Variants in ENOX1 observed in about 807,000 individuals in gnomAD.
ENOX1 encodes the protein ecto-NOX disulfide-thiol exchanger 1, also known as candidate growth-related and time keeping constitutive hydroquinone (NADH) oxidase.
ENOX1 carries 42 observed loss-of-function variants against 82.5 expected under a neutral mutation model. The ratio of observed to expected loss-of-function variants is 0.51; its 90% confidence interval spans 0.40 to 0.66. The LOEUF is 0.66. Ranked by LOEUF, ENOX1 falls within the 30% of genes least tolerant of loss-of-function variation. The pLI is 0.00. For missense variants in ENOX1, 608 were observed against 811.6 expected (o/e 0.75, Z 3.05); for synonymous variants, 271 against 282.2 (o/e 0.96, Z 0.40).
Position 43,681,999 on chromosome 13 carries a change from G to A in ENOX1, c.-284-14455C>T, listed in dbSNP as rs299355. On this transcript the variant is annotated intron_variant, in intron 1 of 16. Coordinates refer to ENST00000690772, the MANE Select transcript of ENOX1 (RefSeq NM_001347969.2). ...AGATCAGGTATACGGCCTCCTAAAC[G>A]TTCACTGCTCCTTACTCCCAGCCTT... 6.4e-3 allele frequency among the ~76,000 whole-genome samples: 968 copies of A among 152,046 alleles called. 9 individuals carry two copies. Among genetic ancestry groups the A allele is most frequent in the African/African-American group, 0.022 (920 of 41,478 alleles).
At chr13:43,586,616 T>C (rs7338632) in intron 2 of ENOX1, among the ~76,000 whole-genome samples, 5,270 of 152,294 alleles carry the variant, frequency 0.035, 265 homozygotes, top group African/African-American at 0.11. Context: ...TCCTTTCTCA[T>C]AACCGCTAGC....
At chr13:43,368,656 A>G (rs762282851) in intron 5 of ENOX1, among the ~76,000 whole-genome samples, 3 of 151,824 alleles carry the variant, frequency 2.0e-5, no homozygotes, top group Admixed American at 6.6e-5. Context: ...GCTGAAACAC[A>G]CTCTTAAGAC....
At chr13:43,758,510 G>A (rs1365649109) in intron 1 of ENOX1, among the ~76,000 whole-genome samples, 1 of 152,176 alleles carries the variant, frequency 6.6e-6, no homozygotes, top group Non-Finnish European at 1.5e-5. Flanking sequence ...TGCATAGAAG[G>A]CCAGCATGAG....
chr13:43,277,051 T>A lies in ENOX1; in HGVS notation c.1447-7474A>T, dbSNP rs1042678894. Among the ~76,000 whole-genome samples the A allele has an allele frequency of 6.6e-5, 10 of 152,126 alleles. No homozygotes were observed. The East Asian group carries it at 9.6e-4, about 15-fold the overall frequency. ...CATGGTGACCCCTGGGGGAGAAACA[T>A]CTCTTGGAGAGAACTCCACCATTCA... is the stretch of plus-strand genomic sequence containing the variant. On this transcript the variant is annotated intron_variant, in intron 12 of 16. Transcript: ENST00000690772.
chr13:43,704,406 AAAC>A (rs2087113815), intron 1 of ENOX1, among the ~76,000 whole-genome samples: 1 of 152,136 alleles, frequency 6.6e-6, no homozygotes, highest in Non-Finnish European at 1.5e-5. Flanking sequence ...CAAAACATAA[AAAC>A]AACTTTTTGA....
intron 1 of ENOX1, among the ~76,000 whole-genome samples, chr13:43,672,351 C>T (rs963586881): frequency 1.3e-5 from 2 of 152,184 alleles, no homozygotes; most frequent in African/African-American, 4.8e-5. Flanking sequence ...ATCTCTCCTA[C>T]TTTATTACCG....
intron 11 of ENOX1, among the ~76,000 whole-genome samples, chr13:43,303,220 G>A (rs898506804): frequency 3.9e-5 from 6 of 152,318 alleles, no homozygotes; most frequent in African/African-American, 1.4e-4. Context: ...AGGCTGGCCT[G>A]GCAAATGTCA....
intron 12 of ENOX1, among the ~76,000 whole-genome samples, chr13:43,274,038 A>G (rs765948752): frequency 1.2e-4 from 18 of 152,210 alleles, no homozygotes; most frequent in African/African-American, 4.1e-4. Context: ...AACAACAAAA[A>G]CAAAAACAAC....
intron 2 of ENOX1, among the ~76,000 whole-genome samples, chr13:43,491,239 A>G (rs1478758575): frequency 6.6e-6 from 1 of 152,186 alleles, no homozygotes; most frequent in African/African-American, 2.4e-5. Context: ...GAACTCACCT[A>G]TCACAAAGGA....
intron 8 of ENOX1, among the ~76,000 whole-genome samples, chr13:43,352,548 T>G (rs2049876591): frequency 1.3e-5 from 2 of 152,362 alleles, no homozygotes; most frequent in South Asian, 4.1e-4. Flanking sequence ...ATGGTGTTAT[T>G]GAGCTCCTTC....
At chr13:43,566,972 AGAAT>A (rs1395811346) in intron 2 of ENOX1, among the ~76,000 whole-genome samples, 3 of 152,152 alleles carry the variant, frequency 2.0e-5, no homozygotes, top group Non-Finnish European at 4.4e-5. Context: ...CATCAAAATA[AGAAT>A]GAGCAGAACA....
chr13:43,699,838 A>G (rs2086820830), intron 1 of ENOX1, among the ~76,000 whole-genome samples: 4 of 152,176 alleles, frequency 2.6e-5, no homozygotes, highest in Admixed American at 2.6e-4. Flanking sequence ...ATAGTTGTAC[A>G]TATTTTTGGG....
intron 2 of ENOX1, among the ~76,000 whole-genome samples, chr13:43,653,286 T>C (rs2084279938): frequency 1.3e-5 from 2 of 152,212 alleles, no homozygotes; most frequent in South Asian, 2.1e-4. Context: ...AACCCATTCA[T>C]AGGAAAGATA....
At chr13:43,477,026 ATATT>A (rs2058311416) in intron 3 of ENOX1, among the ~76,000 whole-genome samples, 2 of 147,088 alleles carry the variant, frequency 1.4e-5, no homozygotes, top group African/African-American at 5.1e-5. Context: ...AGATCTCCAT[ATATT>A]AAGAGAGAGA....
intron 11 of ENOX1, among the ~76,000 whole-genome samples, chr13:43,300,552 A>C (rs559039832): frequency 6.6e-6 from 1 of 152,318 alleles, no homozygotes; most frequent in South Asian, 2.1e-4. Context: ...CCAGATATGA[A>C]AATCAAAGGT....
chr13:43,396,662 T>G (rs1293514306), intron 5 of ENOX1, among the ~76,000 whole-genome samples: 2 of 152,344 alleles, frequency 1.3e-5, no homozygotes, highest in Admixed American at 1.3e-4. Flanking sequence ...ATTACAGGCA[T>G]GAGCCACCAG....
chr13:43,505,471 A>C (rs908103164), intron 2 of ENOX1, among the ~76,000 whole-genome samples: 5 of 151,998 alleles, frequency 3.3e-5, no homozygotes, highest in Non-Finnish European at 5.9e-5. Flanking sequence ...TCTTTCTTAA[A>C]TATAATTGTA....
chr13:43,776,169 T>G (rs946146520), intron 1 of ENOX1, among the ~76,000 whole-genome samples: 1 of 152,168 alleles, frequency 6.6e-6, no homozygotes, highest in Admixed American at 6.5e-5. Flanking sequence ...AAGACCAATA[T>G]GTTAGTATGT....
At chr13:43,356,274 T>G in intron 7 of ENOX1, 122 bp from the exon 8 acceptor site, 1 of 783,134 alleles carries the variant, frequency 1.3e-6, no homozygotes, top group South Asian at 1.8e-5. Flanking sequence ...ACGGATACAT[T>G]TCCCATAGGA....
Sources: gnomAD v4.1 joint callset for allele counts (sites outside exome capture counted in the v4.1 genomes callset) on GRCh38, gnomAD v4.1.1 for gene constraint, MANE v1.5 for transcripts, NCBI Gene and HGNC (gene_info 2026-07-23, HGNC 2026-07-21) for gene names.